Variants in PTPRU observed in about 807,000 individuals in gnomAD.
PTPRU encodes the protein receptor-type tyrosine-protein phosphatase U.
Under a neutral mutation model 166.3 loss-of-function variants are expected in PTPRU, and 69 were observed. That is an observed-to-expected ratio of 0.41 (90% CI 0.34 to 0.51). The LOEUF (loss-of-function observed/expected upper bound fraction) is 0.51. Ranked by LOEUF, PTPRU falls within the 20% of genes least tolerant of loss-of-function variation. The pLI is 0.09. For missense variants in PTPRU, 1,657 were observed against 2,013.7 expected (o/e 0.82, Z 3.39); for synonymous variants, 793 against 814.0 (o/e 0.97, Z 0.44).
In PTPRU at chr1:29,284,245, G is replaced by C. The variant is rs115829172; in HGVS notation, c.2179+269G>C. Among the ~76,000 whole-genome samples, 486 of 152,264 alleles carry C rather than the reference G, an allele frequency of 3.2e-3. 2 individuals are homozygous for C. The highest frequency in any genetic ancestry group is 0.011 in the African/African-American group (460 of 41,544). On this transcript the variant is annotated intron_variant, in intron 13 of 29. Coordinates refer to ENST00000373779, the MANE Select transcript of PTPRU (RefSeq NM_133178.4). Reference sequence around the variant, plus strand: ...GTGATGGGTACAGGGTGCTGGTTCTGGGTTACGTATCTGTCCGGCTTTCCT... The same window carrying C: ...GTGATGGGTACAGGGTGCTGGTTCTCGGTTACGTATCTGTCCGGCTTTCCT...
At chr1:29,253,684 A>G (rs1266573011) in intron 1 of PTPRU, among the ~76,000 whole-genome samples, 1 of 151,790 alleles carries the variant, frequency 6.6e-6, no homozygotes, top group African/African-American at 2.4e-5. Context: ...ACAACTATCT[A>G]TACCTCTCCC....
chr1:29,308,515 C>T (rs1274667012), intron 18 of PTPRU, among the ~76,000 whole-genome samples: 1 of 127,474 alleles, frequency 7.8e-6, no homozygotes, highest in Non-Finnish European at 1.5e-5. Context: ...TGCAGTGAGT[C>T]GAGATCGTGC....
rs1310240713 is a variant in PTPRU at position 29,258,523 on chromosome 1, A to G, written c.224A>G (p.Asn75Ser). The G allele has an allele frequency of 1.9e-6, 3 of 1,613,626 alleles. No homozygotes were observed. Among genetic ancestry groups the G allele is most frequent in the African/African-American group, 1.3e-5 (1 of 74,850 alleles). ...DLPHGSYLMVNTSQHAPGQRA... is the reference protein window; with the variant it reads ...DLPHGSYLMVSTSQHAPGQRA... Reference sequence around the variant, plus strand: ...TTTCCAGGCTCCTACTTGATGGTCAACACTTCCCAGCATGCCCCAGGCCAG... The same window carrying G: ...TTTCCAGGCTCCTACTTGATGGTCAGCACTTCCCAGCATGCCCCAGGCCAG... The change falls in exon 3 of 30, where the codon AAC becomes AGC. Residue 75 changes from asparagine to serine, a missense_variant. Coordinates refer to ENST00000373779, the MANE Select transcript of PTPRU (RefSeq NM_133178.4).
In PTPRU at chr1:29,259,992, C is replaced by G. The variant is rs752555763; in HGVS notation, c.798C>G (p.Ser266=). Reference sequence around the variant, plus strand: ...AGCAGGACCTGTACCGCTGTGTGTCCCAGGCCCCGCGCGGCGCGGGCGTCT... The same window carrying G: ...AGCAGGACCTGTACCGCTGTGTGTCGCAGGCCCCGCGCGGCGCGGGCGTCT... ...RAEQDLYRCV[S]QAPRGAGVSN... The change falls in exon 6 of 30, where the codon TCC becomes TCG. Residue 266 remains serine (S), a synonymous_variant. Transcript: ENST00000373779. 6.6e-6 allele frequency: 10 copies of G among 1,513,218 alleles called. No individual in the cohort carries two copies. The highest frequency in any genetic ancestry group is 8.8e-6 in the Non-Finnish European group (10 of 1,139,724). 93.7% of individuals were successfully genotyped at this position (1,513,218 alleles called of 1,614,324 possible).
chr1:29,317,941 T>C lies in PTPRU; in HGVS notation c.3687+20T>C. 1 of 1,611,930 alleles carries C rather than the reference T, an allele frequency of 6.2e-7. No individual in the cohort carries two copies. The highest frequency in any genetic ancestry group is 8.5e-7 in the Non-Finnish European group (1 of 1,179,346). On this transcript the variant is annotated intron_variant, in intron 25 of 29. Transcript: ENST00000373779. The surrounding 1 kb of genome is among the most constrained non-coding windows in gnomAD (Gnocchi z 5.6). ...ACTGACGTGAGAGCTTGGGGTGGAG[T>C]GGGCTCTGGGGCTCCCCTTCCCAGC...
intron 15 of PTPRU, among the ~76,000 whole-genome samples, chr1:29,297,703 C>T (rs985802028): frequency 3.9e-5 from 6 of 152,114 alleles, no homozygotes; most frequent in Non-Finnish European, 8.8e-5. Context: ...CATGCCTAAC[C>T]GCTGAGTCTT....
chr1:29,250,139 C>T (rs1363825648), intron 1 of PTPRU, among the ~76,000 whole-genome samples: 1 of 152,178 alleles, frequency 6.6e-6, no homozygotes, highest in East Asian at 1.9e-4. Context: ...TCCCCTCTAC[C>T]TGGCCCCCTC....
Position 29,257,966 on chromosome 1 carries a change from A to AT in PTPRU, c.206-529dup, listed in dbSNP as rs5773239. 0.78 allele frequency among the ~76,000 whole-genome samples: 116,869 copies of AT among 150,340 alleles called. 45,613 individuals carry two copies. Among genetic ancestry groups the AT allele is most frequent in the Middle Eastern group, 0.89 (260 of 292 alleles). ...GACCTGTAGATTGTAAGGAGCCATA[A>AT]TTTTTTTTTTCTTTTTGAGACCGAG... On this transcript the variant is annotated intron_variant, in intron 2 of 29. Coordinates refer to ENST00000373779, the MANE Select transcript of PTPRU (RefSeq NM_133178.4). The surrounding 1 kb of genome is among the most constrained non-coding windows in gnomAD (Gnocchi z 4.6).
rs1460807393 is a variant in PTPRU, at chr1:29,236,679, C to T, written c.35C>T (p.Thr12Ile). Residue 12 changes from threonine (T) to isoleucine (I), a missense_variant, in exon 1 of 30, where the codon ACC (threonine) becomes ATC (isoleucine). Thr to Ile is a moderately conservative substitution (Grantham distance 89). Coordinates refer to ENST00000373779, the MANE Select transcript of PTPRU (RefSeq NM_133178.4). The surrounding 1 kb of genome is among the most constrained non-coding windows in gnomAD (Gnocchi z 4.6). The part of the protein sequence containing the change: ...ARAQALVLAL[T>I]FQLCAPETET... ...GCCCAGGCGCTCGTGCTGGCACTCACCTTCCAGCTCTGCGCGCCGGAGACC... is the reference window on the plus strand; with the variant it reads ...GCCCAGGCGCTCGTGCTGGCACTCATCTTCCAGCTCTGCGCGCCGGAGACC... 3.4e-6 allele frequency: 5 copies of T among 1,464,350 alleles called. No individual in the cohort carries two copies. Among genetic ancestry groups the T allele is most frequent in the South Asian group, 2.6e-5 (2 of 76,512 alleles). The allele number at this position is 1,464,350 out of a possible 1,614,324, so 90.7% of individuals were successfully genotyped here. A position where few individuals can be genotyped will look rare whatever the true frequency, so the allele number is the denominator to read the frequency against.
At chr1:29,314,258 G>A (rs966387118) in intron 22 of PTPRU, among the ~76,000 whole-genome samples, 2 of 152,180 alleles carry the variant, frequency 1.3e-5, no homozygotes, top group Non-Finnish European at 2.9e-5. Context: ...TTTCTGTGTG[G>A]TATGTACGTA....
rs1179440605 is a variant in PTPRU at position 29,279,668 on chromosome 1, C to T, written c.1765+11C>T. The T allele has an allele frequency of 5.6e-6, 9 of 1,608,828 alleles. No homozygotes were observed. Among genetic ancestry groups the T allele is most frequent in the Admixed American group, 1.7e-5 (1 of 60,004 alleles). ...CCACTAACATCTCTGGTGAGCCCCACCTGACCCGGCCCAGCCTCTTCGGAG... is the reference window on the plus strand; with the variant it reads ...CCACTAACATCTCTGGTGAGCCCCATCTGACCCGGCCCAGCCTCTTCGGAG... On this transcript the variant is annotated intron_variant, in intron 10 of 29. Coordinates refer to ENST00000373779, the MANE Select transcript of PTPRU (RefSeq NM_133178.4). This position sits in a 1 kb window ranked among gnomAD's most constrained non-coding sequence, Gnocchi z 5.2.
At chr1:29,270,646 G>T (rs1017368764) in intron 7 of PTPRU, among the ~76,000 whole-genome samples, 2 of 152,134 alleles carry the variant, frequency 1.3e-5, no homozygotes, top group Non-Finnish European at 2.9e-5. Flanking sequence ...ACATTCAAAG[G>T]GGGTTAAGTA....
intron 14 of PTPRU, among the ~76,000 whole-genome samples, chr1:29,287,960 C>T (rs1043398500): frequency 3.3e-5 from 5 of 151,928 alleles, no homozygotes; most frequent in African/African-American, 7.3e-5. Flanking sequence ...ATTACAGGCG[C>T]CCACCACCAT....
rs1424574176 is a variant in PTPRU, at chr1:29,291,959, G to C, written c.2409G>C (p.Gln803His). The change falls in exon 15 of 30, where the codon CAG becomes CAC. Residue 803 changes from glutamine (Q) to histidine (H), a missense_variant. Gln to His is a conservative substitution (Grantham distance 24). This residue lies in a region of PTPRU where 1,190 missense variants were observed against 1,477.4 expected (regional missense o/e 0.81). Coordinates refer to ENST00000373779, the MANE Select transcript of PTPRU (RefSeq NM_133178.4). The surrounding 1 kb of genome is among the most constrained non-coding windows in gnomAD (Gnocchi z 4.1). ...CCGTGGACCGCAGCTTCACAGACCA[G>C]AGCACCCTGCAGGAGGACGAGCGGC... ...MSAVDRSFTDQSTLQEDERLG... is the reference protein window; with the variant it reads ...MSAVDRSFTDHSTLQEDERLG... 6.2e-7 allele frequency: 1 copy of C among 1,614,168 alleles called. No individual in the cohort carries two copies. Among genetic ancestry groups the C allele is most frequent in the East Asian group, 2.2e-5 (1 of 44,870 alleles).
rs905448371 is a variant in PTPRU, at chr1:29,310,688, G to T, written c.2821-56G>T. On this transcript the variant is annotated intron_variant, in intron 18 of 29. Transcript: ENST00000373779. ...TGGGAGGGGAGGGTAGAGGAGGTGT[G>T]GGGGAGTGAGGGGCTACTCCCTGGG... The T allele has an allele frequency of 1.0e-5, 16 of 1,542,114 alleles. No homozygotes were observed. In the African/African-American group the frequency reaches 1.4e-4, roughly 13 times the overall value.
chr1:29,316,469 A>G (rs760005588), intron 24 of PTPRU, among the ~76,000 whole-genome samples: 3 of 152,170 alleles, frequency 2.0e-5, no homozygotes, highest in African/African-American at 7.2e-5. Flanking sequence ...AGAGAAGAGA[A>G]GTAGTTAATA....
At chr1:29,261,785 G>A (rs945919249) in intron 7 of PTPRU, among the ~76,000 whole-genome samples, 3 of 151,694 alleles carry the variant, frequency 2.0e-5, no homozygotes, top group Non-Finnish European at 4.4e-5. Context: ...CACCCGCCTC[G>A]GCCTTCCAAA....
chr1:29,319,101 C>T (rs954807497), intron 25 of PTPRU, among the ~76,000 whole-genome samples: 4 of 152,124 alleles, frequency 2.6e-5, no homozygotes, highest in Non-Finnish European at 5.9e-5. Context: ...ATGTGAGGGG[C>T]CCATCAGTCA....
chr1:29,292,249 C>G (rs1440687090), intron 15 of PTPRU, among the ~76,000 whole-genome samples: 1 of 152,216 alleles, frequency 6.6e-6, no homozygotes, highest in East Asian at 1.9e-4. Flanking sequence ...AAGAGGAATG[C>G]AAGGTCCATT....
Sources: gnomAD v4.1 joint callset for allele counts (sites outside exome capture counted in the v4.1 genomes callset) on GRCh38, gnomAD v4.1.1 for gene constraint, gnomAD v4.1.1 regional missense constraint, Gnocchi (gnomAD v3.1) non-coding constraint, MANE v1.5 for transcripts, NCBI Gene and HGNC (gene_info 2026-07-23, HGNC 2026-07-21) for gene names.